FSTL4: variants seen among roughly 807,000 people sequenced by gnomAD.
The protein encoded by FSTL4 is follistatin-related protein 4.
In FSTL4, 28 loss-of-function variants were observed where a neutral mutation model predicts 78.2. The observed-to-expected ratio is 0.36, with a 90% CI of 0.27 to 0.49. FSTL4 has a LOEUF of 0.49. FSTL4 is among the 20% of genes least tolerant of loss of function. The probability of loss-of-function intolerance (pLI) is 0.98; values close to 1 mark genes in which losing one functional copy is unlikely to be tolerated. For missense variants in FSTL4, 922 were observed against 1,084.9 expected (o/e 0.85, Z 2.11); for synonymous variants, 422 against 440.5 (o/e 0.96, Z 0.53).
intron 6 of FSTL4, among the ~76,000 whole-genome samples, chr5:133,288,436 C>T (rs574705060): frequency 1.3e-5 from 2 of 152,368 alleles, no homozygotes; most frequent in African/African-American, 4.8e-5. Context: ...GGCCCCACTC[C>T]TGGCCCGCTC....
At chr5:133,547,238 GTCTC>G (rs34643477) in intron 3 of FSTL4, among the ~76,000 whole-genome samples, 1 of 151,076 alleles carries the variant, frequency 6.6e-6, no homozygotes, top group Non-Finnish European at 1.5e-5. Flanking sequence ...CTGTCTGTCT[GTCTC>G]TCTCTCTCTC....
At chr5:133,407,640 T>C (rs1756391931) in intron 3 of FSTL4, among the ~76,000 whole-genome samples, 2 of 152,222 alleles carry the variant, frequency 1.3e-5, no homozygotes, top group Admixed American at 6.5e-5. Flanking sequence ...ACACCTTTCA[T>C]CTGTCAGGAG....
chr5:133,762,434 A>G, the FSTL4 span, among the ~76,000 whole-genome samples: 1 of 152,222 alleles, frequency 6.6e-6, no homozygotes, highest in Non-Finnish European at 1.5e-5. Flanking sequence ...GTCCCAGAAC[A>G]TAGACTATAA....
intron 3 of FSTL4, among the ~76,000 whole-genome samples, chr5:133,444,675 G>T (rs1188403703): frequency 1.3e-5 from 2 of 152,198 alleles, no homozygotes; most frequent in Non-Finnish European, 2.9e-5. Context: ...CAGGGACCAG[G>T]CAGGAATGAA....
chr5:133,619,200 C>T, the FSTL4 span, among the ~76,000 whole-genome samples: 9 of 152,024 alleles, frequency 5.9e-5, no homozygotes, highest in Non-Finnish European at 1.0e-4. Context: ...TTGATACTTT[C>T]ATTAAGTATA....
At chr5:133,701,505 A>C in the FSTL4 span, among the ~76,000 whole-genome samples, 1 of 123,836 alleles carries the variant, frequency 8.1e-6, no homozygotes, top group Non-Finnish European at 1.7e-5. Flanking sequence ...ACACACACAC[A>C]CACACCCCAC....
chr5:133,479,334 C>T (rs148313426), intron 3 of FSTL4, among the ~76,000 whole-genome samples: 53 of 152,350 alleles, frequency 3.5e-4, no homozygotes, highest in Admixed American at 6.5e-4. Flanking sequence ...CAGAAGGCAC[C>T]GGCCTGGGCC....
chr5:133,705,215 A>G, the FSTL4 span, among the ~76,000 whole-genome samples: 559 of 152,064 alleles, frequency 3.7e-3, 3 homozygotes, highest in African/African-American at 0.013. Context: ...ACCTGCCATC[A>G]CGCCCGGCTA....
chr5:133,742,658 G>A, the FSTL4 span, among the ~76,000 whole-genome samples: 1 of 152,144 alleles, frequency 6.6e-6, no homozygotes, highest in African/African-American at 2.4e-5. Context: ...AGGTGGAAAG[G>A]ACACCGTGGC....
At chr5:133,742,463 T>G in the FSTL4 span, among the ~76,000 whole-genome samples, 2 of 152,232 alleles carry the variant, frequency 1.3e-5, no homozygotes, top group African/African-American at 4.8e-5. Context: ...TTTTCAAGAT[T>G]GGTGACAGAG....
chr5:133,270,496 T>G (rs142100087), intron 6 of FSTL4, among the ~76,000 whole-genome samples: 22 of 152,330 alleles, frequency 1.4e-4, no homozygotes, highest in African/African-American at 5.3e-4. Flanking sequence ...GCGTGGCAGC[T>G]GAAGGGCATA....
At chr5:133,302,177 C>T (rs1171257732) in intron 6 of FSTL4, among the ~76,000 whole-genome samples, 1 of 152,118 alleles carries the variant, frequency 6.6e-6, no homozygotes, top group Admixed American at 6.5e-5. Flanking sequence ...CCACCAAATC[C>T]TGTGTGAGCT....
intron 4 of FSTL4, among the ~76,000 whole-genome samples, chr5:133,360,750 A>G (rs909308693): frequency 2.0e-5 from 3 of 152,218 alleles, no homozygotes; most frequent in African/African-American, 7.2e-5. Context: ...CAGACAGTTA[A>G]GAGCGGCAAT....
chr5:133,705,856 C>A, the FSTL4 span, among the ~76,000 whole-genome samples: 1 of 138,694 alleles, frequency 7.2e-6, no homozygotes, highest in Non-Finnish European at 1.5e-5. Context: ...CACACACGCG[C>A]GCACACACAC....
At chr5:133,345,522 C>T (rs186229336) in intron 4 of FSTL4, among the ~76,000 whole-genome samples, 4 of 152,130 alleles carry the variant, frequency 2.6e-5, no homozygotes, top group Admixed American at 1.3e-4. Flanking sequence ...AATGGTATTG[C>T]CTAGGTTTTC....
At chr5:133,782,983 G>C in the FSTL4 span, among the ~76,000 whole-genome samples, 2 of 152,178 alleles carry the variant, frequency 1.3e-5, no homozygotes, top group African/African-American at 4.8e-5. Context: ...CCCTTCTGTA[G>C]GCATTCCAAT....
At chr5:133,229,124 G>C (rs933849484) in intron 8 of FSTL4, among the ~76,000 whole-genome samples, 1 of 152,188 alleles carries the variant, frequency 6.6e-6, no homozygotes, top group Non-Finnish European at 1.5e-5. Context: ...ATTAAAAAAG[G>C]CTTGGATAAT....
chr5:133,679,322 C>A, the FSTL4 span, among the ~76,000 whole-genome samples: 1 of 152,146 alleles, frequency 6.6e-6, no homozygotes, highest in East Asian at 1.9e-4. Flanking sequence ...GTGAGCCACC[C>A]TTATCATTTA....
intron 3 of FSTL4, among the ~76,000 whole-genome samples, chr5:133,491,143 T>A (rs992302336): frequency 6.6e-5 from 10 of 152,222 alleles, no homozygotes; most frequent in Non-Finnish European, 1.3e-4. Flanking sequence ...TTTAATAAAT[T>A]TTTGTTTGCT....
Sources: gnomAD v4.1 joint callset for allele counts (sites outside exome capture counted in the v4.1 genomes callset) on GRCh38, gnomAD v4.1.1 for gene constraint, MANE v1.5 for transcripts, NCBI Gene and HGNC (gene_info 2026-07-23, HGNC 2026-07-21) for gene names.